Variants in MYOM1 observed in about 807,000 individuals in gnomAD.
MYOM1 encodes myomesin-1.
In MYOM1, 164 loss-of-function variants were observed where a neutral mutation model predicts 205.3. The ratio of observed to expected loss-of-function variants is 0.80; its 90% CI spans 0.70 to 0.91. The LOEUF is 0.91. Among genes scored for constraint, MYOM1 ranks in the 40% least tolerant of loss-of-function variants. The pLI is 0.00. For missense variants in MYOM1, 2,011 were observed against 2,127.3 expected, an observed-to-expected ratio of 0.95 and a Z score of 1.08; for synonymous variants, 772 against 789.4, an observed-to-expected ratio of 0.98 and a Z score of 0.37.
chr18:3,228,068 A>G, the MYOM1 span, among the ~76,000 whole-genome samples: 11 of 152,290 alleles, frequency 7.2e-5, no homozygotes. The surrounding 1 kb of genome is among the most constrained non-coding windows in gnomAD (Gnocchi z 4.5). Flanking sequence ...CAAGAAGACA[A>G]AGAGCTTTAC....
At chr18:3,129,561 C>G (rs1207252162) in intron 17 of MYOM1, 42 bp from the exon 18 acceptor site, 22 of 1,571,802 alleles carry the variant, frequency 1.4e-5, no homozygotes, top group Non-Finnish European at 1.8e-5. Context: ...TGAGCCCGGA[C>G]AGAGTATCAG....
chr18:3,090,644 C>T lies in MYOM1; in HGVS notation c.4009+14G>A, dbSNP rs373019751. 6.2e-7 allele frequency: 1 copy of T among 1,613,220 alleles called. No individual in the cohort carries two copies. Among genetic ancestry groups the T allele is most frequent in the Non-Finnish European group, 8.5e-7 (1 of 1,179,566 alleles). On this transcript the variant is annotated intron_variant, in intron 27 of 37. Coordinates refer to ENST00000356443, the MANE Select transcript of MYOM1 (RefSeq NM_003803.4). ...TAGCAAAGCCTGCTGGTTAATGTTCCACGGAATTCTTACCATCTCCAACGA... is the reference window on the plus strand; with the variant it reads ...TAGCAAAGCCTGCTGGTTAATGTTCTACGGAATTCTTACCATCTCCAACGA...
At chr18:3,162,624 A>G (rs1015862785) in intron 10 of MYOM1, among the ~76,000 whole-genome samples, 1 of 152,214 alleles carries the variant, frequency 6.6e-6, no homozygotes, top group African/African-American at 2.4e-5. Flanking sequence ...CATGCCATAA[A>G]AAAACACAGA....
the MYOM1 span, among the ~76,000 whole-genome samples, chr18:3,238,349 C>A: frequency 6.6e-6 from 1 of 152,032 alleles, no homozygotes; most frequent in Non-Finnish European, 1.5e-5. Context: ...TAAGTACAGA[C>A]AAAGCATCAC....
intron 1 of MYOM1, among the ~76,000 whole-genome samples, chr18:3,218,802 T>C (rs2081298796): frequency 6.6e-6 from 1 of 152,254 alleles, no homozygotes. Flanking sequence ...TGCTGTTATT[T>C]TCACAAAATA....
chr18:3,079,880 A>T (rs1211632752), intron 33 of MYOM1, among the ~76,000 whole-genome samples: 1 of 152,204 alleles, frequency 6.6e-6, no homozygotes, highest in Non-Finnish European at 1.5e-5. Flanking sequence ...AATGAAAAGC[A>T]GAGTTGCCGC....
At chr18:3,102,252 C>T (rs1297535310) in intron 23 of MYOM1, among the ~76,000 whole-genome samples, 1 of 151,966 alleles carries the variant, frequency 6.6e-6, no homozygotes, top group Non-Finnish European at 1.5e-5. Flanking sequence ...GATCCACCTG[C>T]CTTGGCCTCC....
rs78331937 is a variant in MYOM1 at position 3,072,350 on chromosome 18, C to CTTTTT, written c.4709-466_4709-462dup. 4.1e-4 allele frequency among the ~76,000 whole-genome samples: 23 copies of CTTTTT among 56,214 alleles called. 5 individuals are homozygous for CTTTTT. Among genetic ancestry groups the CTTTTT allele is most frequent in the African/African-American group, 1.0e-3 (11 of 10,712 alleles). The allele number at this position is 56,214 out of a possible 152,430, so 36.9% of individuals were successfully genotyped here. On this transcript the variant is annotated intron_variant, in intron 36 of 37. Coordinates refer to ENST00000356443, the MANE Select transcript of MYOM1 (RefSeq NM_003803.4). ...AGCAGGCGTGAGCCACCGCACCCGG[C>CTTTTT]TTTTTTTTTTTTTTTTTTTTTGAGG...
At position 3,135,097 on chromosome 18, in the gene MYOM1, GT is replaced by G. The variant is rs1176816518; in HGVS notation, c.2210-274del. The G allele has an allele frequency of 2.2e-5, 9 of 400,398 alleles. No individual in the cohort carries two copies. In the East Asian group the frequency reaches 4.7e-4, roughly 21 times the overall value. The allele number at this position is 400,398 out of a possible 1,614,324, so 24.8% of individuals were successfully genotyped here. A position where few individuals can be genotyped will look rare whatever the true frequency, so the allele number is the denominator to read the frequency against. On this transcript the variant is annotated intron_variant, in intron 15 of 37. Coordinates refer to ENST00000356443, the MANE Select transcript of MYOM1 (RefSeq NM_003803.4). The surrounding 1 kb of genome is among the most constrained non-coding windows in gnomAD (Gnocchi z 4.1). ...CTGAGTAGCTGGAATTACCAGGCAT[GT>G]GCCACAACGCCTGGCTAATTTTTGT...
At chr18:3,184,276 T>C (rs1032181419) in intron 5 of MYOM1, among the ~76,000 whole-genome samples, 2 of 152,134 alleles carry the variant, frequency 1.3e-5, no homozygotes, top group African/African-American at 4.8e-5. Context: ...CTCCCAGAGG[T>C]GGATTTAACT....
intron 5 of MYOM1, among the ~76,000 whole-genome samples, chr18:3,183,673 G>A (rs1368829707): frequency 6.6e-6 from 1 of 152,174 alleles, no homozygotes; most frequent in Non-Finnish European, 1.5e-5. Context: ...CTGATATTCA[G>A]GAAGGGCATT....
chr18:3,221,160 G>A (rs368897186), upstream of MYOM1, among the ~76,000 whole-genome samples: 8 of 151,852 alleles, frequency 5.3e-5, no homozygotes, highest in East Asian at 1.2e-3. Context: ...AGCTACAGGC[G>A]CATGCCATCA....
At chr18:3,177,946 A>G (rs1351753137) in intron 5 of MYOM1, among the ~76,000 whole-genome samples, 1 of 152,200 alleles carries the variant, frequency 6.6e-6, no homozygotes, top group Non-Finnish European at 1.5e-5. Context: ...GTTAAGCCTC[A>G]CAGCCCTCGG....
In MYOM1 at chr18:3,196,962, C is replaced by T. The variant is rs1472182579; in HGVS notation, c.291-3004G>A. Among the ~76,000 whole-genome samples, 6 of 152,220 alleles carry T rather than the reference C, an allele frequency of 3.9e-5. No homozygotes were observed. In the South Asian group the frequency reaches 1.2e-3, roughly 32 times the overall value. On this transcript the variant is annotated intron_variant, in intron 2 of 37. Transcript: ENST00000356443. ...AGAATCTCAGAGCTGAAAGAGGACT[C>T]GGGGATATTTATATCAGGCCCTTGA...
In MYOM1 at chr18:3,119,998, G is replaced by C; in HGVS notation, c.2992-3C>G. 6.3e-7 allele frequency: 1 copy of C among 1,590,112 alleles called. No homozygotes were observed. The highest frequency in any genetic ancestry group is 1.3e-5 in the African/African-American group (1 of 74,438). On this transcript the variant is annotated splice_polypyrimidine_tract_variant and splice_region_variant and intron_variant, in intron 19 of 37. Transcript: ENST00000356443. ...ATGTTTTCCTTCAAGTTGCTAATCTGCAACATTGACAACATCACAGATACT... is the reference window on the plus strand; with the variant it reads ...ATGTTTTCCTTCAAGTTGCTAATCTCCAACATTGACAACATCACAGATACT...
intron 34 of MYOM1, 74 bp downstream of exon 34, chr18:3,079,105 G>A: frequency 6.7e-7 from 1 of 1,496,646 alleles, no homozygotes; most frequent in Non-Finnish European, 9.1e-7. Flanking sequence ...AAGCCACCAT[G>A]CCCAACTCCC....
chr18:3,182,103 A>G (rs1369824953), intron 5 of MYOM1, among the ~76,000 whole-genome samples: 3 of 152,180 alleles, frequency 2.0e-5, no homozygotes, highest in South Asian at 4.1e-4. Context: ...TCCAACATAT[A>G]GATATGAAAA....
rs556164558 is a variant in MYOM1, at chr18:3,165,751, C to G, written c.1340-1312G>C. ...TTCTGGGGAAGGCCAGGCAATCTGTCCCCACACTGTGTGTCCCTATGCTGC... is the reference window on the plus strand; with the variant it reads ...TTCTGGGGAAGGCCAGGCAATCTGTGCCCACACTGTGTGTCCCTATGCTGC... On this transcript the variant is annotated intron_variant, in intron 9 of 37. Transcript: ENST00000356443. 7.2e-5 allele frequency among the ~76,000 whole-genome samples: 11 copies of G among 152,314 alleles called. No homozygotes were observed. The South Asian group carries it at 1.9e-3, about 26-fold the overall frequency.
intron 5 of MYOM1, 37 bp downstream of exon 5, chr18:3,187,443 G>A: frequency 6.3e-7 from 1 of 1,598,802 alleles, no homozygotes; most frequent in Middle Eastern, 1.7e-4. Flanking sequence ...TTAACTTGGT[G>A]TAATGAATTC....
Sources: gnomAD v4.1 joint callset for allele counts (sites outside exome capture counted in the v4.1 genomes callset) on GRCh38, gnomAD v4.1.1 for gene constraint, Gnocchi (gnomAD v3.1) non-coding constraint, MANE v1.5 for transcripts, NCBI Gene and HGNC (gene_info 2026-07-23, HGNC 2026-07-21) for gene names.